CACNA2D2: variants seen among roughly 807,000 people sequenced by gnomAD.
The protein encoded by CACNA2D2 is voltage-dependent calcium channel subunit alpha-2/delta-2.
A neutral mutation model predicts 166.4 loss-of-function variants in CACNA2D2; 48 were observed. The observed-to-expected ratio is 0.29, with a 90% CI of 0.23 to 0.37. CACNA2D2 has a LOEUF of 0.37. CACNA2D2 is among the 10% of genes least tolerant of loss of function. The probability of loss-of-function intolerance (pLI) is 1.00; values close to 1 mark genes in which losing one functional copy is unlikely to be tolerated. For missense variants in CACNA2D2, 1,122 were observed against 1,433.0 expected (o/e 0.78, Z 3.50); for synonymous variants, 561 against 573.7 (o/e 0.98, Z 0.32).
rs370379008 is a variant in CACNA2D2 at position 50,365,745 on chromosome 3, A to C, written c.2916-57T>G. 1.3e-4 allele frequency: 215 copies of C among 1,607,944 alleles called. No homozygotes were observed. In the African/African-American group the frequency reaches 2.6e-3, roughly 19 times the overall value. On this transcript the variant is annotated intron_variant, in intron 33 of 37. Transcript: ENST00000424201. This position sits in a 1 kb window ranked among gnomAD's most constrained non-coding sequence, Gnocchi z 4.5. ...TCAGCAGAGGACGATGCCATGCCCTACTTCTCTTCTGAGCCCTCCCGGCCA... is the reference window on the plus strand; with the variant it reads ...TCAGCAGAGGACGATGCCATGCCCTCCTTCTCTTCTGAGCCCTCCCGGCCA...
Position 50,367,406 on chromosome 3 carries a change from G to T in CACNA2D2, c.2389C>A (p.Pro797Thr). Residue 797 changes from proline to threonine, a missense_variant, in exon 27 of 38, where the codon CCA (proline) becomes ACA (threonine). Pro to Thr is a conservative substitution (Grantham distance 38, BLOSUM62 -1). Coordinates refer to ENST00000424201, the MANE Select transcript of CACNA2D2 (RefSeq NM_006030.4). This position sits in a 1 kb window ranked among gnomAD's most constrained non-coding sequence, Gnocchi z 6.5. ...LDNHGYVFKP[P>T]HQDALLRPLE... Reference sequence around the variant, plus strand: ...CGGGGACACTCACCATCCTGGTGTGGGGGCTTGAAGACATAACCGTGGTTA... The same window carrying T: ...CGGGGACACTCACCATCCTGGTGTGTGGGCTTGAAGACATAACCGTGGTTA... The T allele has an allele frequency of 1.2e-6, 2 of 1,613,754 alleles. No homozygotes were observed. The highest frequency in any genetic ancestry group is 1.7e-6 in the Non-Finnish European group (2 of 1,179,958).
At position 50,365,971 on chromosome 3, in the gene CACNA2D2, G is replaced by A. The variant is rs201515991; in HGVS notation, c.2862+40C>T. ...GGGTCATCTGTGGGCAGGTCTCCCA[G>A]TCCCCCCCATCTCCAGTCCAGGCAT... On this transcript the variant is annotated intron_variant, in intron 32 of 37. Coordinates refer to ENST00000424201, the MANE Select transcript of CACNA2D2 (RefSeq NM_006030.4). This position sits in a 1 kb window ranked among gnomAD's most constrained non-coding sequence, Gnocchi z 4.5. 2.5e-5 allele frequency: 41 copies of A among 1,610,638 alleles called. No individual in the cohort carries two copies. Among genetic ancestry groups the A allele is most frequent in the Admixed American group, 1.5e-4 (9 of 59,944 alleles).
chr3:50,465,383 C>A (rs1224654203), intron 2 of CACNA2D2, among the ~76,000 whole-genome samples: 1 of 152,180 alleles, frequency 6.6e-6, no homozygotes, highest in Non-Finnish European at 1.5e-5. Context: ...AGCACCTGAT[C>A]AAGAGGCAAG....
rs779063464 is a variant in CACNA2D2 at position 50,378,117 on chromosome 3, G to C, written c.1390-20C>G. 1 of 1,608,710 alleles carries C rather than the reference G, an allele frequency of 6.2e-7. No individual in the cohort carries two copies. The highest frequency in any genetic ancestry group is 8.5e-7 in the Non-Finnish European group (1 of 1,176,124). On this transcript the variant is annotated intron_variant, in intron 14 of 37. Transcript: ENST00000424201. ...ATATTCCTGGGGAGGGGGCAGTGGT[G>C]GGGGTAATGAGTGCCTTTCCCAGGC...
chr3:50,437,025 T>G (rs1708382799), intron 2 of CACNA2D2, among the ~76,000 whole-genome samples: 1 of 152,212 alleles, frequency 6.6e-6, no homozygotes, highest in Non-Finnish European at 1.5e-5. Flanking sequence ...ACCATGTCTG[T>G]GTGCAGTGGA....
At chr3:50,417,028 G>A (rs1707297352) in intron 3 of CACNA2D2, among the ~76,000 whole-genome samples, 2 of 152,224 alleles carry the variant, frequency 1.3e-5, no homozygotes, top group Admixed American at 1.3e-4. Context: ...GACAGGGGAA[G>A]AACAGGGAGA....
chr3:50,493,242 C>T (rs1056159488), intron 1 of CACNA2D2, among the ~76,000 whole-genome samples: 1 of 152,192 alleles, frequency 6.6e-6, no homozygotes, highest in Admixed American at 6.5e-5. Flanking sequence ...TGACCCCATC[C>T]TCGGCTCAAG....
intron 22 of CACNA2D2, chr3:50,372,994 G>T (rs982123063): frequency 2.3e-6 from 3 of 1,281,836 alleles, no homozygotes; most frequent in Admixed American, 2.0e-5. Context: ...TGGGCAGGGA[G>T]GGGGGCAAGC....
At chr3:50,409,428 A>C (rs1417421481) in intron 3 of CACNA2D2, among the ~76,000 whole-genome samples, 1 of 152,236 alleles carries the variant, frequency 6.6e-6, no homozygotes, top group African/African-American at 2.4e-5. Context: ...TTTGAACAAA[A>C]AGTGCTCCTG....
chr3:50,483,017 C>T (rs1185482387), intron 1 of CACNA2D2, among the ~76,000 whole-genome samples: 1 of 152,194 alleles, frequency 6.6e-6, no homozygotes, highest in African/African-American at 2.4e-5. Context: ...TCAGCACTGG[C>T]CTCACACTAC....
At chr3:50,467,930 T>C (rs1377024372) in intron 2 of CACNA2D2, among the ~76,000 whole-genome samples, 1 of 152,112 alleles carries the variant, frequency 6.6e-6, no homozygotes, top group Non-Finnish European at 1.5e-5. Context: ...TCCTGTCTGG[T>C]TGTGGGGAAT....
intron 3 of CACNA2D2, among the ~76,000 whole-genome samples, chr3:50,396,098 C>A (rs553177695): frequency 6.6e-6 from 1 of 152,058 alleles, no homozygotes. Context: ...CTCTCTACTC[C>A]GTGATGCCTC....
At chr3:50,416,167 G>A (rs1707254367) in intron 3 of CACNA2D2, 1 of 152,280 alleles carries the variant, frequency 6.6e-6, no homozygotes, top group Non-Finnish European at 1.5e-5. Context: ...TTTGGGGCTT[G>A]GAGAATGGCC....
intron 4 of CACNA2D2, among the ~76,000 whole-genome samples, chr3:50,388,582 G>A (rs1019099079): frequency 3.7e-4 from 56 of 152,254 alleles, no homozygotes; most frequent in African/African-American, 1.2e-3. Flanking sequence ...GGCTGGCTGT[G>A]AAGTGGCAGG....
chr3:50,365,814 C>A lies in CACNA2D2; in HGVS notation c.2911G>T (p.Ala971Ser). 6.2e-7 allele frequency: 1 copy of A among 1,613,508 alleles called. No individual in the cohort carries two copies. The highest frequency in any genetic ancestry group is 8.5e-7 in the Non-Finnish European group (1 of 1,180,024). The change falls in exon 33 of 38, where the codon GCC becomes TCC. Residue 971 changes from alanine to serine, a missense_variant. Ala to Ser is a moderately conservative substitution (Grantham distance 99). Coordinates refer to ENST00000424201, the MANE Select transcript of CACNA2D2 (RefSeq NM_006030.4). This position sits in a 1 kb window ranked among gnomAD's most constrained non-coding sequence, Gnocchi z 4.5. ...CACCTCCCGCTCAGGACTCACCAGG[C>A]GGCAGCAGAGGTCCACCAGGCCAGG... Reference protein sequence around the residue: ...LNLAWWTSAAAWSLFQQLLYG... With the variant: ...LNLAWWTSAASWSLFQQLLYG...
intron 1 of CACNA2D2, among the ~76,000 whole-genome samples, chr3:50,484,649 A>G (rs1407936766): frequency 6.6e-6 from 1 of 151,864 alleles, no homozygotes; most frequent in African/African-American, 2.4e-5. Context: ...TTGCCCCTCC[A>G]TTTGAAATTG....
chr3:50,449,713 C>T (rs1200731494), intron 2 of CACNA2D2, among the ~76,000 whole-genome samples: 2 of 152,222 alleles, frequency 1.3e-5, no homozygotes, highest in Non-Finnish European at 2.9e-5. Context: ...GCCTCCGCCA[C>T]ACCACACTCA....
intron 2 of CACNA2D2, among the ~76,000 whole-genome samples, chr3:50,465,205 G>A (rs1709776456): frequency 6.6e-6 from 1 of 152,276 alleles, no homozygotes; most frequent in African/African-American, 2.4e-5. Context: ...AGCGATGGAA[G>A]GGGTAGATAG....
chr3:50,440,350 C>T (rs1708531293), intron 2 of CACNA2D2, among the ~76,000 whole-genome samples: 1 of 152,266 alleles, frequency 6.6e-6, no homozygotes, highest in South Asian at 2.1e-4. Context: ...CAGTTACATG[C>T]TTCATCAGCT....
Sources: allele counts gnomAD v4.1 joint callset (sites outside exome capture counted in the v4.1 genomes callset), GRCh38; gene constraint gnomAD v4.1.1; non-coding constraint Gnocchi (gnomAD v3.1); transcripts MANE v1.5; gene names NCBI Gene and HGNC (gene_info 2026-07-23, HGNC 2026-07-21).